AP4S1: variants seen among roughly 807,000 people sequenced by gnomAD.
AP4S1 encodes the protein AP-4 complex subunit sigma-1.
AP4S1 carries 23 observed loss-of-function variants against 19.8 expected under a neutral mutation model. The observed-to-expected ratio is 1.16, with a 90% CI of 0.84 to 1.65. The LOEUF (loss-of-function observed/expected upper bound fraction) is 1.65. Ranked by LOEUF, AP4S1 falls within the 40% of genes most tolerant of loss-of-function variation. The probability of loss-of-function intolerance (pLI) is 0.00; values close to 1 mark genes in which losing one functional copy is unlikely to be tolerated. For missense variants in AP4S1, 166 were observed against 172.8 expected, an observed-to-expected ratio of 0.96 and a Z score of 0.22; for synonymous variants, 46 against 54.1, an observed-to-expected ratio of 0.85 and a Z score of 0.66.
chr14:31,070,148 C>G (rs1467967329), intron 3 of AP4S1, among the ~76,000 whole-genome samples: 1 of 152,152 alleles, frequency 6.6e-6, no homozygotes, highest in African/African-American at 2.4e-5. Flanking sequence ...GCATGTGCCA[C>G]CACACCCGGC....
At chr14:31,081,872 C>T (rs1594708157) in intron 5 of AP4S1, among the ~76,000 whole-genome samples, 1 of 151,594 alleles carries the variant, frequency 6.6e-6, no homozygotes, top group African/African-American at 2.4e-5. Context: ...TATATATATA[C>T]ATTTTGTAGA....
chr14:31,032,777 G>A (rs945731377), intron 1 of AP4S1, among the ~76,000 whole-genome samples: 8 of 151,836 alleles, frequency 5.3e-5, no homozygotes, highest in African/African-American at 1.7e-4. Flanking sequence ...CTCATGATCC[G>A]CCCGCCTCGG....
chr14:31,073,790 C>T (rs1188442727), intron 4 of AP4S1, among the ~76,000 whole-genome samples: 2 of 150,678 alleles, frequency 1.3e-5, no homozygotes, highest in Non-Finnish European at 3.0e-5. Flanking sequence ...TCCACCCGCC[C>T]GCCTCGGCCT....
chr14:31,067,256 T>C (rs556899126), intron 2 of AP4S1, among the ~76,000 whole-genome samples: 1 of 147,944 alleles, frequency 6.8e-6, no homozygotes, highest in Non-Finnish European at 1.5e-5. Context: ...AACTGCGTCC[T>C]TTTTTTTTTA....
chr14:31,052,545 T>G (rs983472581), intron 1 of AP4S1, among the ~76,000 whole-genome samples: 2 of 151,692 alleles, frequency 1.3e-5, no homozygotes, highest in Admixed American at 6.6e-5. Context: ...GCCAACATGG[T>G]GAAACCCCTT....
intron 1 of AP4S1, chr14:31,032,848 A>G (rs1566509101): frequency 6.6e-6 from 1 of 152,092 alleles, no homozygotes; most frequent in Admixed American, 6.6e-5. Context: ...ACAGTTTTAT[A>G]TCTTGCTGAC....
chr14:31,045,895 G>A (rs1474766248), intron 1 of AP4S1, among the ~76,000 whole-genome samples: 1 of 151,782 alleles, frequency 6.6e-6, no homozygotes, highest in Non-Finnish European at 1.5e-5. Context: ...ACCAAGTGAT[G>A]AGAGGATCAG....
chr14:31,026,137 G>A, intron 1 of AP4S1: 1 of 1,496,208 alleles, frequency 6.7e-7, no homozygotes, highest in Non-Finnish European at 8.9e-7. Context: ...TGCCGGGGAG[G>A]GGCCGCCATC....
rs113937090 is a variant in AP4S1, at chr14:31,042,612, A to T, written c.-72+16825A>T. ...CAATGTAATGGTCTATATATAGTATATAGATTCCTCATCCTCAGTTTTTCT... is the reference window on the plus strand; with the variant it reads ...CAATGTAATGGTCTATATATAGTATTTAGATTCCTCATCCTCAGTTTTTCT... On this transcript the variant is annotated intron_variant, in intron 1 of 5. Coordinates refer to ENST00000542754, the MANE Select transcript of AP4S1 (RefSeq NM_001128126.3). Among the ~76,000 whole-genome samples the T allele has an allele frequency of 5.9e-5, 9 of 152,316 alleles. 1 individual carries two copies. The highest frequency in any genetic ancestry group is 1.9e-4 in the African/African-American group (8 of 41,576).
intron 5 of AP4S1, chr14:31,085,114 G>C (rs1323412389): frequency 4.5e-6 from 6 of 1,345,844 alleles, no homozygotes; most frequent in Admixed American, 3.1e-5. Flanking sequence ...CTGTGCTCTA[G>C]AAGGCCCATT....
In AP4S1 at chr14:31,047,411, G is replaced by A. The variant is rs376893411; in HGVS notation, c.-71-18715G>A. ...TTTTTTTTTTTTTTTTTTTTGAGAC[G>A]GAGTCTTGCTCTGTTGCCCAGGCTG... is the stretch of plus-strand genomic sequence containing the variant. On this transcript the variant is annotated intron_variant, in intron 1 of 5. Transcript: ENST00000542754. Among the ~76,000 whole-genome samples the A allele has an allele frequency of 2.7e-3, 384 of 141,520 alleles. 2 individuals carry two copies. The highest frequency in any genetic ancestry group is 0.011 in the East Asian group (54 of 4,902). 92.8% of individuals were successfully genotyped at this position (141,520 alleles called of 152,430 possible). A position where few individuals can be genotyped will look rare whatever the true frequency, so the allele number is the denominator to read the frequency against.
chr14:31,096,116 A>AAAGC lies in AP4S1; in HGVS notation c.*3085_*3088dup, dbSNP rs1420413069. The AAAGC allele has an allele frequency of 6.7e-6, 1 of 150,094 alleles. No homozygotes were observed. Among genetic ancestry groups the AAAGC allele is most frequent in the East Asian group, 1.9e-4 (1 of 5,172 alleles). The allele number at this position is 150,094 out of a possible 1,614,324, so 9.3% of individuals were successfully genotyped here. On this transcript the variant is annotated 3_prime_UTR_variant, in exon 6 of 6. Coordinates refer to ENST00000542754, the MANE Select transcript of AP4S1 (RefSeq NM_001128126.3). The stretch of plus-strand genomic sequence containing the variant: ...AAAAAAAAAAAAAAAAAAAAAGTAG[A>AAAGC]AAGCAAGAAAGTGTCTCTGTACAGG...
At position 31,025,777 on chromosome 14, in the gene AP4S1, G is replaced by C; in HGVS notation, c.-82G>C. 1 of 1,327,186 alleles carries C rather than the reference G, an allele frequency of 7.5e-7. No homozygotes were observed. The allele number at this position is 1,327,186 out of a possible 1,614,324, so 82.2% of individuals were successfully genotyped here. ...GCCGTTGAGAGGACCATCACAACCT[G>C]AGCAGCACAGGTAGGTTCCGCTCGG... On this transcript the variant is annotated 5_prime_UTR_variant, in exon 1 of 6. The change abolishes the stop of an existing upstream ORF in the 5' untranslated region. Transcript: ENST00000542754.
At chr14:31,067,208 C>CAA (rs55659438) in intron 2 of AP4S1, among the ~76,000 whole-genome samples, 105 of 140,614 alleles carry the variant, frequency 7.5e-4, no homozygotes, top group East Asian at 4.9e-3. Flanking sequence ...AACTCTGTCT[C>CAA]AAAAAAAAAA....
intron 5 of AP4S1, among the ~76,000 whole-genome samples, chr14:31,088,888 G>A (rs1490822082): frequency 6.6e-6 from 1 of 151,578 alleles, no homozygotes; most frequent in Non-Finnish European, 1.5e-5. Context: ...CGGGCACAGT[G>A]GCTCATGCTT....
At chr14:31,027,641 G>A (rs934302197) in intron 1 of AP4S1, among the ~76,000 whole-genome samples, 19 of 152,154 alleles carry the variant, frequency 1.2e-4, no homozygotes, top group Non-Finnish European at 4.4e-5. Context: ...CAGCCTGGGC[G>A]ACAAAGCGAG....
chr14:31,082,632 C>T (rs951509828), intron 5 of AP4S1, among the ~76,000 whole-genome samples: 1 of 151,766 alleles, frequency 6.6e-6, no homozygotes, highest in Non-Finnish European at 1.5e-5. Context: ...CGCGGTGGCT[C>T]ACGCCTGTAA....
intron 4 of AP4S1, among the ~76,000 whole-genome samples, chr14:31,075,090 A>G (rs570530671): frequency 1.8e-4 from 27 of 152,326 alleles, no homozygotes; most frequent in African/African-American, 5.8e-4. Flanking sequence ...TATTAACCAT[A>G]GTCACCCTAC....
At chr14:31,067,021 G>A (rs1245466843) in intron 2 of AP4S1, among the ~76,000 whole-genome samples, 1 of 152,114 alleles carries the variant, frequency 6.6e-6, no homozygotes, top group Non-Finnish European at 1.5e-5. Context: ...GATCACTAGA[G>A]GTCAGAAGTT....
Sources: gnomAD v4.1 joint callset for allele counts (sites outside exome capture counted in the v4.1 genomes callset) on GRCh38, gnomAD v4.1.1 for gene constraint, MANE v1.5 for transcripts, NCBI Gene and HGNC (gene_info 2026-07-23, HGNC 2026-07-21) for gene names.